DGKB: variants seen among roughly 807,000 people sequenced by gnomAD.
DGKB encodes the protein 90 kDa diacylglycerol kinase.
In DGKB, 67 loss-of-function variants were observed where a neutral mutation model predicts 114.3. The ratio of observed to expected loss-of-function variants is 0.59; its 90% CI spans 0.48 to 0.72. The LOEUF is 0.72. Among genes scored for constraint, DGKB ranks in the 30% least tolerant of loss-of-function variants. DGKB has a pLI of 0.00. For synonymous variants in DGKB, 398 were observed against 323.1 expected, an observed-to-expected ratio of 1.23 and a Z score of -2.49; for missense variants, 907 against 975.2, an observed-to-expected ratio of 0.93 and a Z score of 0.93.
intron 21 of DGKB, among the ~76,000 whole-genome samples, chr7:14,455,398 G>A (rs1357685859): frequency 1.3e-5 from 2 of 151,850 alleles, no homozygotes; most frequent in Non-Finnish European, 2.9e-5. Context: ...AACAGATGTG[G>A]CATTTTTGCA....
intron 23 of DGKB, among the ~76,000 whole-genome samples, chr7:14,250,239 G>T (rs1795033987): frequency 6.6e-6 from 1 of 151,738 alleles, no homozygotes; most frequent in Non-Finnish European, 1.5e-5. Flanking sequence ...AAAGTGCTGG[G>T]ATTACAGACA....
chr7:14,345,743 T>G (rs2128593237), intron 21 of DGKB, among the ~76,000 whole-genome samples: 1 of 151,792 alleles, frequency 6.6e-6, no homozygotes, highest in Non-Finnish European at 1.5e-5. Context: ...CAGCATAAAG[T>G]TTTTTAGTTC....
chr7:14,910,262 GAAAGAAAGAAAGAAAGAAAGAA>G (rs1562868985), intron 1 of DGKB, among the ~76,000 whole-genome samples: 11,440 of 116,786 alleles, frequency 0.098, 741 homozygotes, highest in Non-Finnish European at 0.13. Context: ...AAGAAAGAAA[GAAAGAAAGAAAGAAAGAAAGAA>G]AGAAAGAAAG....
chr7:14,325,773 G>A (rs947942985), intron 23 of DGKB, among the ~76,000 whole-genome samples: 3 of 151,994 alleles, frequency 2.0e-5, no homozygotes, highest in Admixed American at 1.3e-4. Context: ...CTTCTGTGGG[G>A]CCAGGACTCA....
chr7:14,378,426 G>C (rs1818841745), intron 21 of DGKB, among the ~76,000 whole-genome samples: 1 of 152,176 alleles, frequency 6.6e-6, no homozygotes, highest in East Asian at 1.9e-4. Context: ...TTAGGGAAAA[G>C]TAGATAAAAT....
At chr7:14,320,589 C>CAT (rs1004819231) in intron 23 of DGKB, among the ~76,000 whole-genome samples, 2 of 151,168 alleles carry the variant, frequency 1.3e-5, no homozygotes, top group African/African-American at 2.4e-5. Context: ...ATATATAGTA[C>CAT]ATATATATAG....
At chr7:14,758,473 G>A (rs914679758) in intron 2 of DGKB, among the ~76,000 whole-genome samples, 4 of 151,794 alleles carry the variant, frequency 2.6e-5, no homozygotes, top group Admixed American at 6.6e-5. Flanking sequence ...GAATTACAAC[G>A]CATTTTTAAG....
chr7:14,452,860 G>C (rs1831727480), intron 21 of DGKB, among the ~76,000 whole-genome samples: 1 of 151,992 alleles, frequency 6.6e-6, no homozygotes, highest in Non-Finnish European at 1.5e-5. Flanking sequence ...GGAAAACCAA[G>C]TGTCCCAGCA....
At position 14,841,203 on chromosome 7, in the gene DGKB, A is replaced by G. The variant is rs1236782574; in HGVS notation, c.61T>C (p.Tyr21His). ...SPSEFSQLQK[Y>H]AEYSTKKLKD... ...CAATATGAATACTTACACTCAGCAT[A>G]TTTCTGAAGTTGGGAAAATTCCGAA... is the stretch of plus-strand genomic sequence containing the variant. The change falls in exon 2 of 26, where the codon TAT becomes CAT. Residue 21 changes from tyrosine to histidine, a missense_variant. Physicochemically the swap from Tyr to His is moderately conservative, Grantham distance 83 (BLOSUM62 2). Coordinates refer to ENST00000402815, the MANE Select transcript of DGKB (RefSeq NM_001350709.2). 2.5e-6 allele frequency: 4 copies of G among 1,612,700 alleles called. No homozygotes were observed. The highest frequency in any genetic ancestry group is 3.4e-6 in the Non-Finnish European group (4 of 1,179,276).
chr7:14,692,257 C>T (rs900206231), intron 9 of DGKB, among the ~76,000 whole-genome samples: 2 of 152,124 alleles, frequency 1.3e-5, no homozygotes, highest in Non-Finnish European at 2.9e-5. Flanking sequence ...ACTTTTCTAT[C>T]TCACCCTCGA....
chr7:14,173,434 C>T (rs375613297), intron 25 of DGKB, among the ~76,000 whole-genome samples: 1 of 152,140 alleles, frequency 6.6e-6, no homozygotes, highest in Non-Finnish European at 1.5e-5. Flanking sequence ...ACCATCACTA[C>T]CCACCAACTC....
At chr7:14,167,585 G>C (rs181312525) in intron 25 of DGKB, among the ~76,000 whole-genome samples, 7 of 152,234 alleles carry the variant, frequency 4.6e-5, no homozygotes, top group Admixed American at 1.3e-4. Context: ...TTATCCCTTA[G>C]CTGTGTATGC....
intron 23 of DGKB, among the ~76,000 whole-genome samples, chr7:14,189,483 GAGA>G (rs1164261927): frequency 6.6e-6 from 1 of 151,982 alleles, no homozygotes; most frequent in Non-Finnish European, 1.5e-5. Flanking sequence ...TAAATAGCAA[GAGA>G]AGAAGAAAGA....
At chr7:14,174,707 T>G (rs1413054666) in intron 25 of DGKB, among the ~76,000 whole-genome samples, 1 of 152,094 alleles carries the variant, frequency 6.6e-6, no homozygotes. Context: ...ACCATCACGG[T>G]AGCAGCTATT....
In DGKB at chr7:14,599,875, T is replaced by C. The variant is rs1434893964; in HGVS notation, c.1433+7559A>G. Among the ~76,000 whole-genome samples the C allele has an allele frequency of 3.9e-5, 6 of 152,190 alleles. No homozygotes were observed. In the East Asian group the frequency reaches 1.2e-3, roughly 29 times the overall value. ...TGAATTTGAGCCAGTAATTTTACTATGTACACTTACATAACAGTAAATGGG... is the reference window on the plus strand; with the variant it reads ...TGAATTTGAGCCAGTAATTTTACTACGTACACTTACATAACAGTAAATGGG... On this transcript the variant is annotated intron_variant, in intron 17 of 25. Coordinates refer to ENST00000402815, the MANE Select transcript of DGKB (RefSeq NM_001350709.2).
At chr7:14,870,096 G>A (rs1426233328) in intron 1 of DGKB, among the ~76,000 whole-genome samples, 1 of 152,064 alleles carries the variant, frequency 6.6e-6, no homozygotes, top group Non-Finnish European at 1.5e-5. Flanking sequence ...TTATTCACAT[G>A]TATGGATTCC....
rs1468620799 is a variant in DGKB at position 14,146,761 on chromosome 7, A to G, written c.*2370T>C. 1 of 152,158 alleles carries G rather than the reference A, an allele frequency of 6.6e-6. No individual in the cohort carries two copies. Among genetic ancestry groups the G allele is most frequent in the Non-Finnish European group, 1.5e-5 (1 of 67,994 alleles). The allele number at this position is 152,158 out of a possible 1,614,324, so 9.4% of individuals were successfully genotyped here. A position where few individuals can be genotyped will look rare whatever the true frequency, so the allele number is the denominator to read the frequency against. ...TGAACATTTATTATGGGTACCAAAG[A>G]ATCCATCTGACTGAAAATGTAACCA... On this transcript the variant is annotated 3_prime_UTR_variant, in exon 26 of 26. Transcript: ENST00000402815.
At chr7:14,459,964 A>G (rs901493844) in intron 21 of DGKB, among the ~76,000 whole-genome samples, 1 of 152,204 alleles carries the variant, frequency 6.6e-6, no homozygotes, top group Admixed American at 6.5e-5. Context: ...AAAGAAATGA[A>G]TTTTCAACCC....
At position 14,859,346 on chromosome 7, in the gene DGKB, T is replaced by C. The variant is rs139220551; in HGVS notation, c.-187-17896A>G. Among the ~76,000 whole-genome samples the C allele has an allele frequency of 5.3e-3, 811 of 152,272 alleles. 5 individuals are homozygous for C. The highest frequency in any genetic ancestry group is 0.01 in the Middle Eastern group (3 of 292). On this transcript the variant is annotated intron_variant, in intron 1 of 25. Coordinates refer to ENST00000402815, the MANE Select transcript of DGKB (RefSeq NM_001350709.2). Reference sequence around the variant, plus strand: ...TGTCAGTCTCAGTAATGAGATTTGATTTCCCAGTTATATGTGAAAGCCACA... The same window carrying C: ...TGTCAGTCTCAGTAATGAGATTTGACTTCCCAGTTATATGTGAAAGCCACA...
Sources: allele counts gnomAD v4.1 joint callset (sites outside exome capture counted in the v4.1 genomes callset), GRCh38; gene constraint gnomAD v4.1.1; transcripts MANE v1.5; gene names NCBI Gene and HGNC (gene_info 2026-07-23, HGNC 2026-07-21).